Variants in HEPH observed in about 807,000 individuals in gnomAD.
HEPH encodes hephaestin.
A neutral mutation model predicts 80.8 loss-of-function variants in HEPH; 69 were observed. The ratio of observed to expected loss-of-function variants is 0.85; its 90% confidence interval spans 0.70 to 1.04. The LOEUF (loss-of-function observed/expected upper bound fraction) is 1.04. Among genes scored for constraint, HEPH ranks in the 50% least tolerant of loss-of-function variants. HEPH has a pLI of 0.00. For synonymous variants in HEPH, 431 were observed against 322.8 expected, an observed-to-expected ratio of 1.34 and a Z score of -3.60; for missense variants, 1,115 against 891.3, an observed-to-expected ratio of 1.25 and a Z score of -3.20.
chrX:66,192,834 G>A, intron 7 of HEPH, among the ~76,000 whole-genome samples: 1 of 111,252 alleles, frequency 9.0e-6, no homozygotes, highest in East Asian at 2.8e-4. Flanking sequence ...ACCCAGATAT[G>A]GGCAAGATAG....
At position 66,258,873 on chromosome X, in the gene HEPH, G is replaced by T; in HGVS notation, c.2930G>T (p.Gly977Val). ...INGKLYANLR[G>V]LTMYQGERVA... ...GGGAAACTCTATGCCAACCTTAGGGGTCTTACCATGTACCAAGGAGAACGA... is the reference window on the plus strand; with the variant it reads ...GGGAAACTCTATGCCAACCTTAGGGTTCTTACCATGTACCAAGGAGAACGA... The change falls in exon 18 of 21, where the codon GGT (glycine) becomes GTT (valine). Residue 977 changes from glycine (G) to valine (V), a missense_variant. Around this residue, in one of 3 missense-constraint regions of HEPH, gnomAD observed 716 missense variants for 523.5 expected, o/e 1.37. Transcript: ENST00000343002. The T allele has an allele frequency of 2.5e-6, 3 of 1,185,025 alleles. No homozygotes were observed. Among genetic ancestry groups the T allele is most frequent in the Non-Finnish European group, 3.4e-6 (3 of 882,474 alleles).
chrX:66,237,090 A>T (rs1602470972), intron 15 of HEPH, among the ~76,000 whole-genome samples: 1 of 107,811 alleles, frequency 9.3e-6, no homozygotes, highest in East Asian at 2.9e-4. Flanking sequence ...AATCTTTTGA[A>T]TTTTTTTTTG....
Position 66,203,593 on chromosome X carries a change from T to C in HEPH, c.2291+16T>C. On this transcript the variant is annotated intron_variant, in intron 13 of 20. Transcript: ENST00000343002. ...AGAAGGACAGGTAAGGCTTCATAAA[T>C]GGAGAGATTACACTTTTAGAAAAAC... 8.5e-7 allele frequency: 1 copy of C among 1,182,562 alleles called. No homozygotes were observed. Among genetic ancestry groups the C allele is most frequent in the South Asian group, 1.8e-5 (1 of 55,458 alleles).
chrX:66,211,288 A>T (rs1292543174), intron 15 of HEPH, among the ~76,000 whole-genome samples: 3 of 111,688 alleles, frequency 2.7e-5, no homozygotes, highest in South Asian at 7.4e-4. Flanking sequence ...ATTTGTACAA[A>T]TGTAAGGAGT....
intron 15 of HEPH, among the ~76,000 whole-genome samples, chrX:66,226,965 G>A (rs1431751231): frequency 1.8e-5 from 2 of 111,009 alleles, no homozygotes; most frequent in African/African-American, 6.6e-5. Context: ...ACCAAAACCA[G>A]GAAAGGACAC....
intron 15 of HEPH, among the ~76,000 whole-genome samples, chrX:66,244,467 AT>A (rs1454912459): frequency 2.7e-5 from 3 of 111,840 alleles, no homozygotes; most frequent in African/African-American, 9.7e-5. Context: ...TTGCAATTTT[AT>A]TATGAAATTA....
At chrX:66,189,355 A>C (rs1323987868) in intron 5 of HEPH, among the ~76,000 whole-genome samples, 1 of 112,501 alleles carries the variant, frequency 8.9e-6, no homozygotes, top group Non-Finnish European at 1.9e-5. Context: ...ATAGCCTGCA[A>C]AATAACTAAA....
intron 15 of HEPH, among the ~76,000 whole-genome samples, chrX:66,212,005 TA>T (rs1166864705): frequency 1.8e-5 from 2 of 110,982 alleles, no homozygotes; most frequent in Non-Finnish European, 3.8e-5. Context: ...CTGTCATTAT[TA>T]TTTTTTTTTC....
At chrX:66,166,839 A>G (rs1397018029) in intron 1 of HEPH, among the ~76,000 whole-genome samples, 1 of 111,936 alleles carries the variant, frequency 8.9e-6, no homozygotes, top group Non-Finnish European at 1.9e-5. Context: ...ATATTCCTGT[A>G]TGCTTAGAAT....
At chrX:66,231,276 A>G (rs1362765667) in intron 15 of HEPH, among the ~76,000 whole-genome samples, 1 of 108,847 alleles carries the variant, frequency 9.2e-6, no homozygotes, top group African/African-American at 3.4e-5. Flanking sequence ...TTTTGGTTCC[A>G]TATGAACTTT....
chrX:66,200,182 G>T (rs182925936), intron 11 of HEPH, among the ~76,000 whole-genome samples: 2 of 107,227 alleles, frequency 1.9e-5, no homozygotes, highest in East Asian at 6.0e-4. Flanking sequence ...GGACCAGAAA[G>T]TATGTTGCCA....
At chrX:66,172,155 A>G (rs937233375) in intron 2 of HEPH, among the ~76,000 whole-genome samples, 200 bp from the exon 3 acceptor site, 15 of 112,529 alleles carry the variant, frequency 1.3e-4, no homozygotes, top group African/African-American at 3.9e-4. Context: ...GTGGTCAAAT[A>G]TGAGCAATTT....
intron 4 of HEPH, among the ~76,000 whole-genome samples, chrX:66,180,650 A>AT (rs766943495): frequency 0.11 from 5,397 of 48,103 alleles, 323 homozygotes; most frequent in Middle Eastern, 0.19. Flanking sequence ...TCACAGCTGT[A>AT]TTTTTTTTTT....
rs145938779 is a variant in HEPH, at chrX:66,263,648, C to T, written c.3204C>T (p.His1068=). 9.1e-6 allele frequency: 11 copies of T among 1,208,435 alleles called. No individual in the cohort carries two copies. Among genetic ancestry groups the T allele is most frequent in the East Asian group, 3.0e-5 (1 of 33,685 alleles). ...TLFTVFSRTE[H]LSPLTVITKE... ...GTCTTTTTTCCCCCCAACCAGAACACTTAAGCCCTCTCACCGTCATCACCA... is the reference window on the plus strand; with the variant it reads ...GTCTTTTTTCCCCCCAACCAGAACATTTAAGCCCTCTCACCGTCATCACCA... Residue 1068 remains histidine, a synonymous_variant, in exon 20 of 21, where the codon CAC becomes CAT. Transcript: ENST00000343002.
intron 15 of HEPH, among the ~76,000 whole-genome samples, chrX:66,225,874 A>T (rs894608808): frequency 1.8e-5 from 2 of 112,453 alleles, no homozygotes; most frequent in African/African-American, 6.5e-5. Flanking sequence ...AACCCCTCAG[A>T]CACTGAGTTA....
intron 5 of HEPH, 109 bp downstream of exon 5, chrX:66,188,650 C>T: frequency 6.3e-6 from 4 of 630,284 alleles, no homozygotes; most frequent in Non-Finnish European, 9.7e-6. Context: ...TTTTAGTCAT[C>T]ACGAGGGCAA....
intron 19 of HEPH, among the ~76,000 whole-genome samples, chrX:66,262,672 A>G (rs1486409007): frequency 1.8e-5 from 2 of 111,732 alleles, no homozygotes; most frequent in African/African-American, 3.2e-5. Flanking sequence ...GATTATTGCA[A>G]CACTCTTGGT....
At chrX:66,229,364 T>C (rs707296) in intron 15 of HEPH, among the ~76,000 whole-genome samples, 41,694 of 110,873 alleles carry the variant, frequency 0.38, 9,379 homozygotes, top group African/African-American at 0.86. Flanking sequence ...GAAAACCAAA[T>C]ATCGTATATT....
Position 66,186,675 on chromosome X carries a change from G to A in HEPH, c.626-1684G>A, listed in dbSNP as rs1005541379. On this transcript the variant is annotated intron_variant, in intron 4 of 20. Transcript: ENST00000343002. ...ATCACCCGTCTTCTGCGTCGCTCACGCTGGGAGCTGTAGACCGGAGCTGTT... is the reference window on the plus strand; with the variant it reads ...ATCACCCGTCTTCTGCGTCGCTCACACTGGGAGCTGTAGACCGGAGCTGTT... 7.2e-5 allele frequency among the ~76,000 whole-genome samples: 8 copies of A among 111,663 alleles called. No homozygotes were observed. In the Admixed American group the frequency reaches 7.5e-4, roughly 10 times the overall value.
Sources: gnomAD v4.1 joint callset for allele counts (sites outside exome capture counted in the v4.1 genomes callset) on GRCh38, gnomAD v4.1.1 for gene constraint, gnomAD v4.1.1 regional missense constraint, MANE v1.5 for transcripts, NCBI Gene and HGNC (gene_info 2026-07-23, HGNC 2026-07-21) for gene names.